The following SRPK2 variants were observed in gnomAD, a reference collection of about 807,000 sequenced individuals.
SRPK2 encodes the protein SFRS protein kinase 2.
In SRPK2, 21 loss-of-function variants were observed where a neutral mutation model predicts 90.8. The observed-to-expected ratio is 0.23, with a 90% CI of 0.16 to 0.33. SRPK2 has a LOEUF of 0.33. Ranked by LOEUF, SRPK2 falls within the 10% of genes least tolerant of loss-of-function variation. The pLI, the probability that SRPK2 is intolerant of heterozygous loss-of-function variation, is 1.00. For missense variants in SRPK2, 620 were observed against 869.0 expected, an observed-to-expected ratio of 0.71 and a Z score of 3.60; for synonymous variants, 288 against 311.1, an observed-to-expected ratio of 0.93 and a Z score of 0.78.
intron 2 of SRPK2, among the ~76,000 whole-genome samples, chr7:105,253,329 A>G (rs1280795027): frequency 6.6e-6 from 1 of 152,172 alleles, no homozygotes; most frequent in Non-Finnish European, 1.5e-5. Flanking sequence ...TGCTAGGGGG[A>G]AAAATATATT....
At chr7:105,168,255 T>A (rs1165337232) in intron 4 of SRPK2, among the ~76,000 whole-genome samples, 160 bp from the exon 5 acceptor site, 1 of 152,230 alleles carries the variant, frequency 6.6e-6, no homozygotes, top group Non-Finnish European at 1.5e-5. Flanking sequence ...CAGTGTAAAA[T>A]TCCACCTCTG....
At chr7:105,337,848 T>C (rs190725213) in intron 2 of SRPK2, among the ~76,000 whole-genome samples, 19 of 152,178 alleles carry the variant, frequency 1.2e-4, no homozygotes, top group African/African-American at 3.9e-4. Flanking sequence ...CCGGGTCAAC[T>C]AAGACAGTGA....
chr7:105,125,780 A>G, intron 15 of SRPK2: 1 of 1,256,464 alleles, frequency 8.0e-7, no homozygotes, highest in Non-Finnish European at 1.0e-6. Context: ...AAATACCGTT[A>G]CCTTTTCTGG....
At chr7:105,228,633 C>G (rs1799024878) in intron 2 of SRPK2, among the ~76,000 whole-genome samples, 1 of 152,112 alleles carries the variant, frequency 6.6e-6, no homozygotes, top group African/African-American at 2.4e-5. Flanking sequence ...AGTGTAACAC[C>G]CTCTCTCAGG....
At chr7:105,118,391 A>C (rs1185054838) in intron 15 of SRPK2, among the ~76,000 whole-genome samples, 2 of 152,224 alleles carry the variant, frequency 1.3e-5, no homozygotes, top group Non-Finnish European at 2.9e-5. Flanking sequence ...CTTGAGGCCA[A>C]CCCAAATCAA....
chr7:105,393,014 A>T (rs1037274924), upstream of SRPK2, among the ~76,000 whole-genome samples: 1 of 140,128 alleles, frequency 7.1e-6, no homozygotes, highest in Non-Finnish European at 1.5e-5. Flanking sequence ...GGAGAGGGGA[A>T]GGGAAGTCTC....
At chr7:105,290,865 C>T (rs933561890) in intron 2 of SRPK2, among the ~76,000 whole-genome samples, 55 of 147,234 alleles carry the variant, frequency 3.7e-4, no homozygotes, top group African/African-American at 4.2e-4. Context: ...GGTGAAACCC[C>T]GTCTCTACTA....
chr7:105,200,855 T>C (rs1395313330), intron 3 of SRPK2, among the ~76,000 whole-genome samples: 1 of 152,148 alleles, frequency 6.6e-6, no homozygotes, highest in African/African-American at 2.4e-5. Flanking sequence ...AAACAGAATA[T>C]GCGCTTCTGC....
At chr7:105,240,392 CTTA>C (rs1343468621) in intron 2 of SRPK2, among the ~76,000 whole-genome samples, 1 of 152,114 alleles carries the variant, frequency 6.6e-6, no homozygotes, top group Admixed American at 6.6e-5. Context: ...AAAAGTAAAA[CTTA>C]TTTTTATCCT....
At chr7:105,312,777 G>C (rs1236062505) in intron 2 of SRPK2, among the ~76,000 whole-genome samples, 1 of 152,100 alleles carries the variant, frequency 6.6e-6, no homozygotes, top group Non-Finnish European at 1.5e-5. Flanking sequence ...AACTCAACCT[G>C]AAGTATACAA....
intron 2 of SRPK2, among the ~76,000 whole-genome samples, chr7:105,283,440 T>TA (rs2130861208): frequency 6.6e-6 from 1 of 152,264 alleles, no homozygotes; most frequent in South Asian, 2.1e-4. Context: ...TATACATATG[T>TA]AAAAGAAAGA....
rs142739751 is a variant in SRPK2, at chr7:105,138,837, G to A, written c.1543+3171C>T. On this transcript the variant is annotated intron_variant, in intron 11 of 15. Transcript: ENST00000393651. The stretch of plus-strand genomic sequence containing the variant: ...TATAAAATTAGTGCTATTCTTACAC[G>A]TTGTAATAGTATTATTGTTACAATG... Among the ~76,000 whole-genome samples, 14 of 152,272 alleles carry A rather than the reference G, an allele frequency of 9.2e-5. No individual in the cohort carries two copies. The East Asian group carries it at 1.7e-3, about 19-fold the overall frequency.
chr7:105,323,967 T>TGTGTGTGTG (rs1813232169), intron 2 of SRPK2, among the ~76,000 whole-genome samples: 68 of 133,898 alleles, frequency 5.1e-4, no homozygotes, highest in African/African-American at 1.8e-3. Flanking sequence ...AGACTATTCT[T>TGTGTGTGTG]TGTGTGTGTG....
chr7:105,342,276 A>G (rs980735282), intron 2 of SRPK2, among the ~76,000 whole-genome samples: 13 of 151,638 alleles, frequency 8.6e-5, no homozygotes, highest in Non-Finnish European at 1.5e-4. Flanking sequence ...GTGAGCCGAG[A>G]TCGCACCACT....
chr7:105,353,638 T>C (rs891991749), intron 2 of SRPK2, among the ~76,000 whole-genome samples: 1 of 151,960 alleles, frequency 6.6e-6, no homozygotes, highest in East Asian at 1.9e-4. Flanking sequence ...AGTGATGGGA[T>C]TACAGACTGC....
chr7:105,170,745 G>GAGGAAGGGAGGAAGGAAGGA (rs1790720546), intron 3 of SRPK2, among the ~76,000 whole-genome samples: 4 of 45,538 alleles, frequency 8.8e-5, no homozygotes, highest in Admixed American at 2.8e-4. Context: ...GGAAGAAAGG[G>GAGGAAGGGAGGAAGGAAGGA]AGGAAGGAAG....
Position 105,239,327 on chromosome 7 carries a change from CA to C in SRPK2, c.72-35543del, listed in dbSNP as rs567486621. Among the ~76,000 whole-genome samples the C allele has an allele frequency of 1.9e-4, 29 of 152,258 alleles. No homozygotes were observed. The South Asian group carries it at 6.0e-3, about 32-fold the overall frequency. On this transcript the variant is annotated intron_variant, in intron 2 of 15. Transcript: ENST00000393651. ...AGCTACAATTTAACATCAGAAAGCA[CA>C]AAGTATAGATAGCATTCCTTCCTTC... is the stretch of plus-strand genomic sequence containing the variant.
At chr7:105,269,793 A>G (rs1474854951) in intron 2 of SRPK2, among the ~76,000 whole-genome samples, 1 of 152,220 alleles carries the variant, frequency 6.6e-6, no homozygotes, top group African/African-American at 2.4e-5. Flanking sequence ...TAAAACTGAC[A>G]TGGTCCTATT....
At chr7:105,173,173 G>A (rs1444455750) in intron 3 of SRPK2, among the ~76,000 whole-genome samples, 1 of 152,026 alleles carries the variant, frequency 6.6e-6, no homozygotes, top group Non-Finnish European at 1.5e-5. Flanking sequence ...GAGTGCAGTA[G>A]AGCAGCACGA....
Sources: allele counts gnomAD v4.1 joint callset (sites outside exome capture counted in the v4.1 genomes callset), GRCh38; gene constraint gnomAD v4.1.1; transcripts MANE v1.5; gene names NCBI Gene and HGNC (gene_info 2026-07-23, HGNC 2026-07-21).